MKRN1: variants seen among roughly 807,000 people sequenced by gnomAD.
MKRN1 encodes makorin ring finger protein 1.
MKRN1 carries 9 observed loss-of-function variants against 55.5 expected under a neutral mutation model. The ratio of observed to expected loss-of-function variants is 0.16; its 90% CI spans 0.10 to 0.28. MKRN1 has a LOEUF of 0.28. Ranked by LOEUF, MKRN1 falls within the 10% of genes least tolerant of loss-of-function variation. The pLI, the probability that MKRN1 is intolerant of heterozygous loss-of-function variation, is 1.00. For synonymous variants in MKRN1, 253 were observed against 235.9 expected (o/e 1.07, Z -0.66); for missense variants, 488 against 626.7 (o/e 0.78, Z 2.36).
At chr7:140,464,847 T>C (rs1240461129) in intron 2 of MKRN1, among the ~76,000 whole-genome samples, 1 of 152,216 alleles carries the variant, frequency 6.6e-6, no homozygotes, top group Non-Finnish European at 1.5e-5. Context: ...TGGAGAGCAG[T>C]GGCACAATCA....
Position 140,479,489 on chromosome 7 carries a change from C to CT in MKRN1, c.-146_-145insA. The CT allele has an allele frequency of 2.4e-6, 2 of 839,628 alleles. No individual in the cohort carries two copies. Among genetic ancestry groups the CT allele is most frequent in the Non-Finnish European group, 3.2e-6 (2 of 624,306 alleles). The allele number at this position is 839,628 out of a possible 1,614,324, so 52.0% of individuals were successfully genotyped here. On this transcript the variant is annotated 5_prime_UTR_variant, in exon 1 of 8. Transcript: ENST00000255977. Reference sequence around the variant, plus strand: ...TTCGGTCCCCGCCTGCTACGCGTCGCGTATCTGAGCGCTCTCGCCACTTCA... The same window carrying CT: ...TTCGGTCCCCGCCTGCTACGCGTCGCTGTATCTGAGCGCTCTCGCCACTTCA...
At chr7:140,467,909 G>A (rs1020827055) in intron 2 of MKRN1, among the ~76,000 whole-genome samples, 3 of 150,260 alleles carry the variant, frequency 2.0e-5, no homozygotes, top group Non-Finnish European at 4.4e-5. Context: ...GGCTGAGGCA[G>A]GACAATCACT....
chr7:140,455,988 T>G, intron 5 of MKRN1, 88 bp from the exon 6 acceptor site: 1 of 1,225,310 alleles, frequency 8.2e-7, no homozygotes, highest in South Asian at 1.2e-5. Context: ...GCCTCCAGAC[T>G]TAAAGACTTA....
intron 1 of MKRN1, 84 bp from the exon 2 acceptor site, chr7:140,472,095 C>T (rs1269283426): frequency 1.3e-6 from 2 of 1,544,934 alleles, no homozygotes; most frequent in Non-Finnish European, 1.8e-6. Flanking sequence ...CTAATATATT[C>T]AACCAGTAAA....
intron 1 of MKRN1, among the ~76,000 whole-genome samples, chr7:140,476,074 C>T (rs760029780): frequency 2.6e-5 from 4 of 152,138 alleles, no homozygotes; most frequent in Non-Finnish European, 4.4e-5. Flanking sequence ...CTAATCAAAA[C>T]TTCTAAGTGA....
chr7:140,455,074 T>C, intron 7 of MKRN1, 21 bp downstream of exon 7: 1 of 1,612,098 alleles, frequency 6.2e-7, no homozygotes, highest in Non-Finnish European at 8.5e-7. Flanking sequence ...TCCCCTCCTT[T>C]AAAAAAACAG....
chr7:140,473,662 T>C (rs1490642754), intron 1 of MKRN1: 1 of 154,756 alleles, frequency 6.5e-6, no homozygotes, highest in African/African-American at 2.4e-5. Flanking sequence ...CCCCTTTTTA[T>C]CTCCAACTAT....
chr7:140,475,244 G>A (rs1795086932), intron 1 of MKRN1: 1 of 427,220 alleles, frequency 2.3e-6, no homozygotes, highest in Admixed American at 2.5e-5. Flanking sequence ...TCGGAAGGCT[G>A]AGGCACCAGA....
chr7:140,466,907 G>T (rs1206591262), intron 2 of MKRN1, among the ~76,000 whole-genome samples: 1 of 150,874 alleles, frequency 6.6e-6, no homozygotes, highest in Non-Finnish European at 1.5e-5. Flanking sequence ...ACCTGGGCAA[G>T]AGGGCAAGAC....
In MKRN1 at chr7:140,471,936, A is replaced by G. The variant is rs1794939329; in HGVS notation, c.261T>C (p.Ser87=). ...CTCGCTGAAAATACTTGCACACTAC[A>G]CTATACGGACTGTCAGAGAGGTCAT... ...YSHDLSDSPY[S]VVCKYFQRGY... The change falls in exon 2 of 8, where the codon AGT becomes AGC. Residue 87 remains serine (S), a synonymous_variant. Transcript: ENST00000255977. 8 of 1,614,090 alleles carry G rather than the reference A, an allele frequency of 5.0e-6. No homozygotes were observed. Among genetic ancestry groups the G allele is most frequent in the Non-Finnish European group, 6.8e-6 (8 of 1,180,022 alleles).
rs1440809016 is a variant in MKRN1 at position 140,479,312 on chromosome 7, G to C, written c.33C>G (p.Ala11=). ...CTGCCGCTCCTGCTCCTGATGTTGTGGCTGTTGTTCCGGGAGTTGCAGCCT... is the reference window on the plus strand; with the variant it reads ...CTGCCGCTCCTGCTCCTGATGTTGTCGCTGTTGTTCCGGGAGTTGCAGCCT... MAEAATPGTT[A]TTSGAGAAAA... is the part of the protein sequence containing the mutation. Residue 11 remains alanine, a synonymous_variant, in exon 1 of 8, where the codon GCC becomes GCG. Transcript: ENST00000255977. 9.0e-6 allele frequency: 12 copies of C among 1,335,274 alleles called. 1 individual carries two copies. The East Asian group carries it at 3.4e-4, about 38-fold the overall frequency. The allele number at this position is 1,335,274 out of a possible 1,614,324, so 82.7% of individuals were successfully genotyped here. A position where few individuals can be genotyped will look rare whatever the true frequency, so the allele number is the denominator to read the frequency against.
At chr7:140,476,118 G>C (rs569957528) in intron 1 of MKRN1, among the ~76,000 whole-genome samples, 2 of 152,120 alleles carry the variant, frequency 1.3e-5, no homozygotes, top group Admixed American at 1.3e-4. Flanking sequence ...CTAGATACAG[G>C]AGTGATGTGC....
intron 4 of MKRN1, 70 bp downstream of exon 4, chr7:140,458,937 C>G: frequency 6.6e-7 from 1 of 1,507,932 alleles, no homozygotes; most frequent in Non-Finnish European, 9.2e-7. Flanking sequence ...TGAAATAAAC[C>G]CACAATGCTG....
chr7:140,454,712 G>A lies in MKRN1; in HGVS notation c.1254C>T (p.His418=), dbSNP rs1428711371. 6.2e-7 allele frequency: 1 copy of A among 1,613,942 alleles called. No homozygotes were observed. The highest frequency in any genetic ancestry group is 1.7e-5 in the Admixed American group (1 of 60,008). ...SSRYRAQRRN[H]FWELIEEREN... is the part of the protein sequence containing the mutation. ...CTCTTTCCTCAATGAGTTCCCAGAA[G>A]TGGTTCCTTCGTTGGGCCTGTAAAA... The change falls in exon 8 of 8, where the codon CAC becomes CAT. Residue 418 remains histidine (H), a synonymous_variant. Coordinates refer to ENST00000255977, the MANE Select transcript of MKRN1 (RefSeq NM_013446.4).
chr7:140,477,124 T>C (rs1055103349), intron 1 of MKRN1, among the ~76,000 whole-genome samples: 2 of 146,954 alleles, frequency 1.4e-5, no homozygotes, highest in African/African-American at 2.5e-5. Flanking sequence ...AAAATGATAG[T>C]TGACATTCCT....
At position 140,455,166 on chromosome 7, in the gene MKRN1, T is replaced by C; in HGVS notation, c.1165A>G (p.Lys389Glu). ...SCPFGGNCFY[K>E]HAYPDGRREE... Reference sequence around the variant, plus strand: ...CTACGGCCATCAGGGTACGCATGCTTGTAAAAACAGTTCCCTCCAAATGGG... The same window carrying C: ...CTACGGCCATCAGGGTACGCATGCTCGTAAAAACAGTTCCCTCCAAATGGG... Residue 389 changes from lysine to glutamate, a missense_variant, in exon 7 of 8, where the codon AAG (lysine) becomes GAG (glutamate). By Grantham distance (56) the Lys-to-Glu change is moderately conservative. Around this residue, in one of 2 missense-constraint regions of MKRN1, gnomAD observed 278 missense variants for 406.7 expected, o/e 0.68. Transcript: ENST00000255977. 1.2e-6 allele frequency: 2 copies of C among 1,614,090 alleles called. No individual in the cohort carries two copies. Among genetic ancestry groups the C allele is most frequent in the African/African-American group, 1.3e-5 (1 of 75,014 alleles).
intron 1 of MKRN1, among the ~76,000 whole-genome samples, chr7:140,473,979 C>T (rs1436408636): frequency 4.6e-5 from 5 of 109,338 alleles, no homozygotes; most frequent in African/African-American, 1.1e-4. Flanking sequence ...GCAACAACAG[C>T]GAAACTCCGT....
chr7:140,459,349 T>C, intron 3 of MKRN1, 116 bp from the exon 4 acceptor site: 2 of 975,374 alleles, frequency 2.1e-6, no homozygotes, highest in South Asian at 3.2e-5. Flanking sequence ...ACCAAAACAG[T>C]CTACTGAACT....
At position 140,454,433 on chromosome 7, in the gene MKRN1, A is replaced by G. The variant is rs372950794; in HGVS notation, c.*84T>C. The G allele has an allele frequency of 1.5e-6, 2 of 1,344,384 alleles. No individual in the cohort carries two copies. Among genetic ancestry groups the G allele is most frequent in the South Asian group, 1.2e-5 (1 of 80,140 alleles). 83.3% of individuals were successfully genotyped at this position (1,344,384 alleles called of 1,614,324 possible). On this transcript the variant is annotated 3_prime_UTR_variant, in exon 8 of 8. Coordinates refer to ENST00000255977, the MANE Select transcript of MKRN1 (RefSeq NM_013446.4). ...CCTGGAGTTGAGAGGCCTGCCTAGG[A>G]GAGAACACAGGCACTGCCACACCAC...
Sources: allele counts gnomAD v4.1 joint callset (sites outside exome capture counted in the v4.1 genomes callset), GRCh38; gene constraint gnomAD v4.1.1; regional missense constraint gnomAD v4.1.1; transcripts MANE v1.5; gene names NCBI Gene and HGNC (gene_info 2026-07-23, HGNC 2026-07-21).